Variants in THY1 observed in about 807,000 individuals in gnomAD.
THY1 encodes the protein thy-1 membrane glycoprotein.
A neutral mutation model predicts 14.9 loss-of-function variants in THY1; 10 were observed. The ratio of observed to expected loss-of-function variants is 0.67; its 90% CI spans 0.41 to 1.14. THY1 has a LOEUF of 1.14. THY1 is among the 50% of genes most tolerant of loss of function. The pLI, the probability that THY1 is intolerant of heterozygous loss-of-function variation, is 0.00. For synonymous variants in THY1, 80 were observed against 90.0 expected (o/e 0.89, Z 0.63); for missense variants, 159 against 202.1 (o/e 0.79, Z 1.29).
In THY1 at chr11:119,419,435, G is replaced by C. The variant is rs755856053; in HGVS notation, c.459C>G (p.Leu153=). 15 of 1,613,956 alleles carry C rather than the reference G, an allele frequency of 9.3e-6. No homozygotes were observed. Among genetic ancestry groups the C allele is most frequent in the Non-Finnish European group, 1.3e-5 (15 of 1,180,024 alleles). ...LLLLLLSLSL[L]QATDFMSL is the part of the protein sequence containing the mutation. ...ACAGGGACATGAAATCCGTGGCCTG[G>C]AGGAGGGAGAGGGAGAGCAGGAGCA... The change falls in exon 4 of 4, where the codon CTC becomes CTG. Residue 153 remains leucine (L), a synonymous_variant. Coordinates refer to ENST00000284240, the MANE Select transcript of THY1 (RefSeq NM_006288.5).
In THY1 at chr11:119,418,156, A is replaced by C. The variant is rs577984757; in HGVS notation, c.*1252T>G. 6.6e-6 allele frequency: 1 copy of C among 152,616 alleles called. No individual in the cohort carries two copies. Among genetic ancestry groups the C allele is most frequent in the Non-Finnish European group, 1.5e-5 (1 of 68,344 alleles). The allele number at this position is 152,616 out of a possible 1,614,324, so 9.5% of individuals were successfully genotyped here. A position where few individuals can be genotyped will look rare whatever the true frequency, so the allele number is the denominator to read the frequency against. ...GCAGGCAGGCACTGCTGGAGGAGCGAAGGCCAGGTGGACACGAGGACAGAT... is the reference window on the plus strand; with the variant it reads ...GCAGGCAGGCACTGCTGGAGGAGCGCAGGCCAGGTGGACACGAGGACAGAT... On this transcript the variant is annotated 3_prime_UTR_variant, in exon 4 of 4. Transcript: ENST00000284240.
At chr11:119,421,006 G>C in intron 1 of THY1, 77 bp from the exon 2 acceptor site, 6 of 1,364,948 alleles carry the variant, frequency 4.4e-6, no homozygotes, top group Non-Finnish European at 6.3e-6. Flanking sequence ...TGGGAACATG[G>C]CATAGTGGCT....
intron 1 of THY1, 42 bp downstream of exon 1, chr11:119,423,071 G>A (rs1591361616): frequency 6.6e-6 from 3 of 456,044 alleles, no homozygotes; most frequent in Non-Finnish European, 8.8e-6. Context: ...GGCGCCTGAC[G>A]GCGGTCCCCG....
Position 119,422,659 on chromosome 11 carries a change from T to C in THY1, c.-25+454A>G, listed in dbSNP as rs1220717434. 2.3e-5 allele frequency: 5 copies of C among 221,142 alleles called. No individual in the cohort carries two copies. In the South Asian group the frequency reaches 2.3e-4, roughly 10 times the overall value. The allele number at this position is 221,142 out of a possible 1,614,324, so 13.7% of individuals were successfully genotyped here. A position where few individuals can be genotyped will look rare whatever the true frequency, so the allele number is the denominator to read the frequency against. ...CCCCGCCTGCGGCACTGCGGCTTCC[T>C]TCTCCTCCGGTGCCCCGCACCCAGC... On this transcript the variant is annotated intron_variant, in intron 1 of 3. Transcript: ENST00000284240. This position sits in a 1 kb window ranked among gnomAD's most constrained non-coding sequence, Gnocchi z 7.0.
chr11:119,423,650 T>C (rs1297388090), upstream of THY1: 1 of 181,600 alleles, frequency 5.5e-6, no homozygotes, highest in Non-Finnish European at 1.2e-5. Flanking sequence ...ATTCCAGTCT[T>C]TCTGAAAGGA....
intron 1 of THY1, 61 bp from the exon 2 acceptor site, chr11:119,420,990 G>A (rs1861889119): frequency 1.3e-6 from 2 of 1,539,758 alleles, no homozygotes; most frequent in Non-Finnish European, 1.8e-6. Flanking sequence ...CAGGGCTGGG[G>A]GTCCCTGGGA....
chr11:119,423,601 C>T (rs1319898177), upstream of THY1: 2 of 204,466 alleles, frequency 9.8e-6, no homozygotes, highest in Non-Finnish European at 2.0e-5. Flanking sequence ...TCAGCTGGAG[C>T]CCACCTCCTC....
At chr11:119,423,058 A>C (rs1861942413) in intron 1 of THY1, 55 bp downstream of exon 1, 1 of 455,722 alleles carries the variant, frequency 2.2e-6, no homozygotes, top group Non-Finnish European at 4.4e-6. Flanking sequence ...GAAGTCTTGC[A>C]TGGGCGCCTG....
At position 119,420,318 on chromosome 11, in the gene THY1, G is replaced by C. The variant is rs778280895; in HGVS notation, c.106C>G (p.Leu36Val). 6 of 1,614,096 alleles carry C rather than the reference G, an allele frequency of 3.7e-6. No homozygotes were observed. Among genetic ancestry groups the C allele is most frequent in the Non-Finnish European group, 1.7e-6 (2 of 1,180,060 alleles). The change falls in exon 3 of 4, where the codon CTG (leucine) becomes GTG (valine). Residue 36 changes from leucine (L) to valine (V), a missense_variant. Leu to Val is a conservative substitution (Grantham distance 32). Transcript: ENST00000284240. ...TACLVDQSLR[L>V]DCRHENTSSS... ...CTGGTATTCTCATGGCGGCAGTCCA[G>C]ACGAAGGCTCTGGTCCACTAGGCAG...
intron 3 of THY1, 60 bp from the exon 4 acceptor site, chr11:119,419,580 C>G: frequency 7.2e-7 from 1 of 1,389,804 alleles, no homozygotes; most frequent in South Asian, 1.2e-5. Context: ...AGGACTCAGG[C>G]AGGCACAGGC....
intron 1 of THY1, chr11:119,421,864 G>T (rs994379797): frequency 6.6e-6 from 1 of 152,286 alleles, no homozygotes; most frequent in South Asian, 2.1e-4. Flanking sequence ...CCAATGTCCA[G>T]CTCTCTGGAG....
rs1453198091 is a variant in THY1 at position 119,416,098 on chromosome 11, AG to A, written c.*3309del. Reference sequence around the variant, plus strand: ...GAGATCCCCATGCCCTTCCCGAGGAAGCCTCTAGATGTCAGAGATGCAGACA... The same window carrying A: ...GAGATCCCCATGCCCTTCCCGAGGAACCTCTAGATGTCAGAGATGCAGACA... On this transcript the variant is annotated 3_prime_UTR_variant, in exon 4 of 4. Transcript: ENST00000284240. 6.6e-6 allele frequency among the ~76,000 whole-genome samples: 1 copy of A among 152,098 alleles called. No homozygotes were observed. The highest frequency in any genetic ancestry group is 1.9e-4 in the East Asian group (1 of 5,178).
At position 119,420,385 on chromosome 11, in the gene THY1, G is replaced by A. The variant is rs752107221; in HGVS notation, c.39C>T (p.Val13=). 1 of 1,607,332 alleles carries A rather than the reference G, an allele frequency of 6.2e-7. No homozygotes were observed. Among genetic ancestry groups the A allele is most frequent in the Non-Finnish European group, 8.5e-7 (1 of 1,177,434 alleles). Residue 13 remains valine, a splice_region_variant and synonymous_variant, in exon 3 of 4, where the codon GTC becomes GTT. Coordinates refer to ENST00000284240, the MANE Select transcript of THY1 (RefSeq NM_006288.5). ...CCTTCTGCCCTCGGGAGACCTGCAA[G>A]ACTGGCACCAGCAGTGCCTCCTTCA... ...LAISIALLLT[V]LQVSRGQKVT... is the part of the protein sequence containing the mutation.
chr11:119,423,667 T>C (rs531860357), upstream of THY1: 100 of 178,608 alleles, frequency 5.6e-4, no homozygotes, highest in Admixed American at 5.7e-5. Context: ...AGGAAGCTGG[T>C]TGGGTGTTTT....
In THY1 at chr11:119,420,301, C is replaced by T; in HGVS notation, c.123G>A (p.Glu41=). ...ACTGGATGGGTGAACTGCTGGTATTCTCATGGCGGCAGTCCAGACGAAGGC... is the reference window on the plus strand; with the variant it reads ...ACTGGATGGGTGAACTGCTGGTATTTTCATGGCGGCAGTCCAGACGAAGGC... ...DQSLRLDCRH[E]NTSSSPIQYE... Residue 41 remains glutamate (E), a synonymous_variant, in exon 3 of 4, where the codon GAG becomes GAA. Coordinates refer to ENST00000284240, the MANE Select transcript of THY1 (RefSeq NM_006288.5). The T allele has an allele frequency of 4.3e-6, 7 of 1,614,256 alleles. No individual in the cohort carries two copies. Among genetic ancestry groups the T allele is most frequent in the Non-Finnish European group, 5.9e-6 (7 of 1,180,052 alleles).
At position 119,418,809 on chromosome 11, in the gene THY1, T is replaced by A. The variant is rs995181325; in HGVS notation, c.*599A>T. The A allele has an allele frequency of 6.2e-6, 1 of 160,982 alleles. No individual in the cohort carries two copies. The highest frequency in any genetic ancestry group is 1.4e-5 in the Non-Finnish European group (1 of 73,408). The allele number at this position is 160,982 out of a possible 1,614,324, so 10.0% of individuals were successfully genotyped here. A position where few individuals can be genotyped will look rare whatever the true frequency, so the allele number is the denominator to read the frequency against. ...CAGTGGTAAGGAGGGCTGCCCTTTT[T>A]ATTTTTTTTTGGTTGTGGCTGAGAA... On this transcript the variant is annotated 3_prime_UTR_variant, in exon 4 of 4. Transcript: ENST00000284240.
upstream of THY1, chr11:119,423,685 T>C (rs1428675137): frequency 5.7e-6 from 1 of 175,388 alleles, no homozygotes; most frequent in Non-Finnish European, 1.2e-5. Context: ...TTTTCAGTGT[T>C]GGAGCAGCCC....
In THY1 at chr11:119,416,234, G is replaced by C. The variant is rs3138095; in HGVS notation, c.*3174C>G. On this transcript the variant is annotated 3_prime_UTR_variant, in exon 4 of 4. Transcript: ENST00000284240. ...CTAGGTATGGACTTAGGTGCTGAAGGGGGGGGACCCAGGAAAGAGGTTAGG... is the reference window on the plus strand; with the variant it reads ...CTAGGTATGGACTTAGGTGCTGAAGCGGGGGGACCCAGGAAAGAGGTTAGG... Among the ~76,000 whole-genome samples the C allele has an allele frequency of 7.6e-3, 1,150 of 151,932 alleles. 22 individuals are homozygous for C. Among genetic ancestry groups the C allele is most frequent in the East Asian group, 0.071 (363 of 5,134 alleles).
chr11:119,417,673 A>T lies in THY1; in HGVS notation c.*1735T>A, dbSNP rs965860335. 6.6e-6 allele frequency: 1 copy of T among 152,234 alleles called. No individual in the cohort carries two copies. The highest frequency in any genetic ancestry group is 1.5e-5 in the Non-Finnish European group (1 of 68,058). 9.4% of individuals were successfully genotyped at this position (152,234 alleles called of 1,614,324 possible). On this transcript the variant is annotated 3_prime_UTR_variant, in exon 4 of 4. Transcript: ENST00000284240. ...GTTCCCTCCCTACTCCCGAAGGGAC[A>T]GTATTTGTCCCCAGTCCTTTCTCCT...
Sources: gnomAD v4.1 joint callset for allele counts (sites outside exome capture counted in the v4.1 genomes callset) on GRCh38, gnomAD v4.1.1 for gene constraint, Gnocchi (gnomAD v3.1) non-coding constraint, MANE v1.5 for transcripts, NCBI Gene and HGNC (gene_info 2026-07-23, HGNC 2026-07-21) for gene names.